The following NEURL1B variants were observed in gnomAD, a reference collection of about 807,000 sequenced individuals.
The protein encoded by NEURL1B is neuralized E3 ubiquitin protein ligase 1B.
Under a neutral mutation model 37.4 loss-of-function variants are expected in NEURL1B, and 13 were observed. That is an observed-to-expected ratio of 0.35 (90% CI 0.23 to 0.55). The LOEUF (loss-of-function observed/expected upper bound fraction) is 0.55. Ranked by LOEUF, NEURL1B falls within the 20% of genes least tolerant of loss-of-function variation. The pLI is 0.89. For synonymous variants in NEURL1B, 432 were observed against 426.6 expected (o/e 1.01, Z -0.16); for missense variants, 790 against 879.2 (o/e 0.90, Z 1.28).
chr5:172,647,084 A>G lies in NEURL1B; in HGVS notation c.31+5647A>G, dbSNP rs1757574507. On this transcript the variant is annotated intron_variant, in intron 1 of 4. Coordinates refer to ENST00000369800, the MANE Select transcript of NEURL1B (RefSeq NM_001142651.3). This position sits in a 1 kb window ranked among gnomAD's most constrained non-coding sequence, Gnocchi z 4.2. Reference sequence around the variant, plus strand: ...GGGCGTAGCATTTTCCCTGGGCTGGACCTCAAGGGCCGCTCAGAACAGGCT... The same window carrying G: ...GGGCGTAGCATTTTCCCTGGGCTGGGCCTCAAGGGCCGCTCAGAACAGGCT... Among the ~76,000 whole-genome samples the G allele has an allele frequency of 6.6e-6, 1 of 152,144 alleles. No homozygotes were observed. Among genetic ancestry groups the G allele is most frequent in the South Asian group, 2.1e-4 (1 of 4,826 alleles).
intron 1 of NEURL1B, among the ~76,000 whole-genome samples, chr5:172,659,259 G>C (rs1467886975): frequency 6.6e-6 from 1 of 152,170 alleles, no homozygotes; most frequent in African/African-American, 2.4e-5. Context: ...GGGGAACTTG[G>C]GCCAGTGGGT....
Position 172,647,742 on chromosome 5 carries a change from CTG to C in NEURL1B, c.31+6306_31+6307del, listed in dbSNP as rs1561640534. On this transcript the variant is annotated intron_variant, in intron 1 of 4. Coordinates refer to ENST00000369800, the MANE Select transcript of NEURL1B (RefSeq NM_001142651.3). The surrounding 1 kb of genome is among the most constrained non-coding windows in gnomAD (Gnocchi z 4.2). ...CCACCTCACCCCAGGCCTGTAGACTCTGGAACTCAAAAGCTGGATGTGGCCTC... is the reference window on the plus strand; with the variant it reads ...CCACCTCACCCCAGGCCTGTAGACTCGAACTCAAAAGCTGGATGTGGCCTC... Among the ~76,000 whole-genome samples, 1 of 152,012 alleles carries C rather than the reference CTG, an allele frequency of 6.6e-6. No individual in the cohort carries two copies. The highest frequency in any genetic ancestry group is 2.4e-5 in the African/African-American group (1 of 41,396).
chr5:172,670,418 A>C (rs538567619), intron 2 of NEURL1B, 88 bp downstream of exon 2: 2 of 1,081,570 alleles, frequency 1.8e-6, no homozygotes, highest in Middle Eastern at 2.8e-4. Context: ...ACAGTCACTT[A>C]TGGAGAGCTC....
intron 2 of NEURL1B, among the ~76,000 whole-genome samples, chr5:172,674,887 T>G (rs77927614): frequency 4.3e-4 from 65 of 152,294 alleles, no homozygotes; most frequent in African/African-American, 1.6e-3. Flanking sequence ...CATGAATGTA[T>G]CTTTTGGAGT....
intron 1 of NEURL1B, among the ~76,000 whole-genome samples, chr5:172,655,159 G>A (rs1406559351): frequency 1.3e-5 from 2 of 152,072 alleles, no homozygotes; most frequent in African/African-American, 4.8e-5. Context: ...TGGGGGGGTT[G>A]TGTGAGGTTC....
In NEURL1B at chr5:172,643,952, C is replaced by T. The variant is rs567388760; in HGVS notation, c.31+2515C>T. Among the ~76,000 whole-genome samples the T allele has an allele frequency of 2.0e-5, 3 of 152,082 alleles. No individual in the cohort carries two copies. In the South Asian group the frequency reaches 6.2e-4, roughly 32 times the overall value. ...CTTCTGCCCTCCTCCCCATGGCTCC[C>T]ACCAGGCTTCCTTGGGGTCTCTGCT... On this transcript the variant is annotated intron_variant, in intron 1 of 4. Coordinates refer to ENST00000369800, the MANE Select transcript of NEURL1B (RefSeq NM_001142651.3).
Position 172,686,112 on chromosome 5 carries a change from G to T in NEURL1B, c.1298-59G>T, listed in dbSNP as rs1758489711. 4 of 1,539,686 alleles carry T rather than the reference G, an allele frequency of 2.6e-6. No homozygotes were observed. The highest frequency in any genetic ancestry group is 8.8e-7 in the Non-Finnish European group (1 of 1,140,844). On this transcript the variant is annotated intron_variant, in intron 3 of 4. Transcript: ENST00000369800. The surrounding 1 kb of genome is among the most constrained non-coding windows in gnomAD (Gnocchi z 7.9). ...AAGGTGCAAAGCAGTGAAGAACCAT[G>T]GACTAGCAGGGCAGGTCCAACCTTC...
chr5:172,686,582 A>G lies in NEURL1B; in HGVS notation c.1424-99A>G. The G allele has an allele frequency of 7.4e-7, 1 of 1,350,250 alleles. No homozygotes were observed. The highest frequency in any genetic ancestry group is 1.0e-6 in the Non-Finnish European group (1 of 992,596). 83.6% of individuals were successfully genotyped at this position (1,350,250 alleles called of 1,614,324 possible). On this transcript the variant is annotated intron_variant, in intron 4 of 4. Coordinates refer to ENST00000369800, the MANE Select transcript of NEURL1B (RefSeq NM_001142651.3). This position sits in a 1 kb window ranked among gnomAD's most constrained non-coding sequence, Gnocchi z 7.9. Reference sequence around the variant, plus strand: ...TAGTATCTCCCAAAAGTATTCTCCCACCGGTCCCAGCAAGAAGCCCTGCAT... The same window carrying G: ...TAGTATCTCCCAAAAGTATTCTCCCGCCGGTCCCAGCAAGAAGCCCTGCAT...
rs1669087176 is a variant in NEURL1B, at chr5:172,683,303, T to TGCTCGAGGCCCGGGTCGGTCGTGGAGGCC, written c.578-115_578-87dup. On this transcript the variant is annotated intron_variant, in intron 2 of 4. Transcript: ENST00000369800. The surrounding 1 kb of genome is among the most constrained non-coding windows in gnomAD (Gnocchi z 5.6). ...TTCGAAGCCGGGGTGGGGTGGGGGC[T>TGCTCGAGGCCCGGGTCGGTCGTGGAGGCC]GCTCGAGGCCCGGGTCGGTCGTGGA... is the stretch of plus-strand genomic sequence containing the variant. 1.7e-6 allele frequency: 2 copies of TGCTCGAGGCCCGGGTCGGTCGTGGAGGCC among 1,184,156 alleles called. No homozygotes were observed. The highest frequency in any genetic ancestry group is 6.7e-5 in the South Asian group (2 of 29,830). 73.4% of individuals were successfully genotyped at this position (1,184,156 alleles called of 1,614,324 possible).
At chr5:172,672,550 A>T (rs370997934) in intron 2 of NEURL1B, among the ~76,000 whole-genome samples, 3 of 68,310 alleles carry the variant, frequency 4.4e-5, no homozygotes, top group African/African-American at 1.8e-4. Context: ...TCCCCCCCCC[A>T]CTCTATTTCC....
intron 2 of NEURL1B, among the ~76,000 whole-genome samples, chr5:172,673,431 C>A (rs1276019867): frequency 6.6e-6 from 1 of 152,110 alleles, no homozygotes. Context: ...GTTGTAAATT[C>A]TAGAATTGAA....
intron 2 of NEURL1B, among the ~76,000 whole-genome samples, chr5:172,674,168 C>A (rs1278989347): frequency 6.6e-6 from 1 of 151,856 alleles, no homozygotes; most frequent in Non-Finnish European, 1.5e-5. Flanking sequence ...TAAATAAAAA[C>A]ATGTAACTGA....
intron 2 of NEURL1B, among the ~76,000 whole-genome samples, chr5:172,680,668 TACCCAGAGATA>T (rs1438709106): frequency 6.6e-6 from 1 of 152,236 alleles, no homozygotes; most frequent in African/African-American, 2.4e-5. Flanking sequence ...AGCAAATTTC[TACCCAGAGATA>T]ACCACTCACA....
intron 2 of NEURL1B, among the ~76,000 whole-genome samples, chr5:172,682,153 A>G (rs1365678913): frequency 6.6e-6 from 1 of 152,262 alleles, no homozygotes; most frequent in Non-Finnish European, 1.5e-5. Context: ...AATCTACTAA[A>G]GTACGAATAC....
Position 172,670,101 on chromosome 5 carries a change from G to T in NEURL1B, c.348G>T (p.Lys116Asn). 6.6e-7 allele frequency: 1 copy of T among 1,525,604 alleles called. No individual in the cohort carries two copies. The allele number at this position is 1,525,604 out of a possible 1,614,324, so 94.5% of individuals were successfully genotyped here. ...PSLMSAQDIP[K>N]YACPDLVTRP... is the part of the protein sequence containing the mutation. ...TCATGAGCGCCCAGGACATCCCCAA[G>T]TACGCCTGCCCGGACCTGGTCACGC... The change falls in exon 2 of 5, where the codon AAG (lysine) becomes AAT (asparagine). Residue 116 changes from lysine to asparagine, a missense_variant. By Grantham distance (94) the Lys-to-Asn change is moderately conservative. This residue lies in a region of NEURL1B where 215 missense variants were observed against 309.2 expected (regional missense o/e 0.70). Transcript: ENST00000369800.
At chr5:172,669,355 C>G (rs1161929160) in intron 1 of NEURL1B, among the ~76,000 whole-genome samples, 1 of 152,192 alleles carries the variant, frequency 6.6e-6, no homozygotes, top group Non-Finnish European at 1.5e-5. Flanking sequence ...CCAAATATCT[C>G]CACTACTCAC....
At chr5:172,662,194 A>C (rs1366375589) in intron 1 of NEURL1B, 1 of 153,912 alleles carries the variant, frequency 6.5e-6, no homozygotes, top group Non-Finnish European at 1.5e-5. Context: ...TCCTCACAAC[A>C]ACCTTGCAGG....
chr5:172,687,036 G>T lies in NEURL1B; in HGVS notation c.*111G>T. ...TCCACGGGCAGCGGCCATCTCTCCA[G>T]TGGTGGGCAAGGTGTGACAGTCGTG... On this transcript the variant is annotated 3_prime_UTR_variant, in exon 5 of 5. Transcript: ENST00000369800. 1.6e-6 allele frequency: 2 copies of T among 1,285,704 alleles called. No individual in the cohort carries two copies. The highest frequency in any genetic ancestry group is 3.0e-5 in the South Asian group (2 of 67,074). The allele number at this position is 1,285,704 out of a possible 1,614,324, so 79.6% of individuals were successfully genotyped here. A position where few individuals can be genotyped will look rare whatever the true frequency, so the allele number is the denominator to read the frequency against.
At chr5:172,684,901 C>T (rs572037013) in intron 3 of NEURL1B, among the ~76,000 whole-genome samples, 80 of 152,312 alleles carry the variant, frequency 5.3e-4, no homozygotes, top group African/African-American at 1.8e-3. Context: ...GAGAGCCTGG[C>T]TCCAACTTCA....
Sources: allele counts gnomAD v4.1 joint callset (sites outside exome capture counted in the v4.1 genomes callset), GRCh38; gene constraint gnomAD v4.1.1; regional missense constraint gnomAD v4.1.1; non-coding constraint Gnocchi (gnomAD v3.1); transcripts MANE v1.5; gene names NCBI Gene and HGNC (gene_info 2026-07-23, HGNC 2026-07-21).